The following SLC12A4 variants were observed in gnomAD, a reference collection of about 807,000 sequenced individuals.
SLC12A4 encodes the protein electroneutral potassium-chloride cotransporter 1.
A neutral mutation model predicts 119.2 loss-of-function variants in SLC12A4; 84 were observed. The ratio of observed to expected loss-of-function variants is 0.70; its 90% CI spans 0.59 to 0.85. The LOEUF (loss-of-function observed/expected upper bound fraction) is 0.85. Ranked by LOEUF, SLC12A4 falls within the 40% of genes least tolerant of loss-of-function variation. SLC12A4 has a pLI of 0.00. For synonymous variants in SLC12A4, 599 were observed against 604.6 expected, an observed-to-expected ratio of 0.99 and a Z score of 0.14; for missense variants, 1,298 against 1,476.3, an observed-to-expected ratio of 0.88 and a Z score of 1.98.
At chr16:67,952,491 G>A (rs1791404240) in intron 6 of SLC12A4, 66 bp from the exon 7 acceptor site, 1 of 1,592,556 alleles carries the variant, frequency 6.3e-7, no homozygotes, top group Non-Finnish European at 8.6e-7. Context: ...TGTCGTTTTG[G>A]TTTTCTTTTT....
At chr16:67,946,133 G>T (rs764123720) in intron 19 of SLC12A4, 38 bp downstream of exon 19, 13 of 1,613,306 alleles carry the variant, frequency 8.1e-6, no homozygotes, top group Non-Finnish European at 1.1e-5. Flanking sequence ...TCCTCCAAGG[G>T]CCTAGCCCCT....
intron 15 of SLC12A4, 48 bp downstream of exon 15, chr16:67,947,621 G>A (rs544594125): frequency 5.1e-6 from 8 of 1,570,040 alleles, no homozygotes; most frequent in South Asian, 4.6e-5. Flanking sequence ...CTGCCTGCTC[G>A]GCCGGGCCCC....
At chr16:67,954,104 C>T (rs987289415) in intron 6 of SLC12A4, 2 of 393,182 alleles carry the variant, frequency 5.1e-6, no homozygotes, top group African/African-American at 2.1e-5. Context: ...AGCTCCTTGC[C>T]TCTTCTCCCA....
Position 67,950,089 on chromosome 16 carries a change from C to T in SLC12A4, c.1630-171G>A. ...TCCCTGATTCCACCTCACCAGGCCT[C>T]TCTCCTTTGGATGAGCCCTAAACAG... On this transcript the variant is annotated intron_variant, in intron 12 of 23. Coordinates refer to ENST00000316341, the MANE Select transcript of SLC12A4 (RefSeq NM_005072.5). The surrounding 1 kb of genome is among the most constrained non-coding windows in gnomAD (Gnocchi z 4.3). The T allele has an allele frequency of 1.4e-6, 1 of 691,196 alleles. No individual in the cohort carries two copies. Among genetic ancestry groups the T allele is most frequent in the Non-Finnish European group, 2.4e-6 (1 of 409,096 alleles). 42.8% of individuals were successfully genotyped at this position (691,196 alleles called of 1,614,324 possible). A position where few individuals can be genotyped will look rare whatever the true frequency, so the allele number is the denominator to read the frequency against.
intron 3 of SLC12A4, among the ~76,000 whole-genome samples, chr16:67,960,414 T>C (rs2030497502): frequency 6.6e-6 from 1 of 151,980 alleles, no homozygotes; most frequent in Admixed American, 6.6e-5. Flanking sequence ...GACCTCAAGG[T>C]ATCAGCTGCC....
chr16:67,968,588 A>AGCCGCCCGCCGCTGTCCCC lies in SLC12A4; in HGVS notation c.-54_-36dup, dbSNP rs991177948. ...TCGGCCCCGCCGCACCCGCCGTCCC[A>AGCCGCCCGCCGCTGTCCCC]GCCGCCCGCCGCTGTCCCCGCCGCT... is the stretch of plus-strand genomic sequence containing the variant. On this transcript the variant is annotated 5_prime_UTR_variant, in exon 1 of 24. Transcript: ENST00000316341. 2 of 1,458,486 alleles carry AGCCGCCCGCCGCTGTCCCC rather than the reference A, an allele frequency of 1.4e-6. No individual in the cohort carries two copies. The highest frequency in any genetic ancestry group is 1.5e-5 in the African/African-American group (1 of 67,894). 90.3% of individuals were successfully genotyped at this position (1,458,486 alleles called of 1,614,324 possible).
Position 67,958,002 on chromosome 16 carries a change from G to A in SLC12A4, c.385C>T (p.Leu129=). The A allele has an allele frequency of 3.1e-6, 5 of 1,614,216 alleles. No homozygotes were observed. Among genetic ancestry groups the A allele is most frequent in the Non-Finnish European group, 3.4e-6 (4 of 1,180,022 alleles). The change falls in exon 4 of 24, where the codon CTG becomes TTG. Residue 129 remains leucine, a synonymous_variant. Transcript: ENST00000316341. ...AGGATAACCCCAAAGATATTCTGCAGGCAGGGCAGGTACACCCCCATGAGG... is the reference window on the plus strand; with the variant it reads ...AGGATAACCCCAAAGATATTCTGCAAGCAGGGCAGGTACACCCCCATGAGG... ...GTLMGVYLPC[L]QNIFGVILFL...
At chr16:67,947,634 C>T (rs769926369) in intron 15 of SLC12A4, 35 bp downstream of exon 15, 4 of 1,583,300 alleles carry the variant, frequency 2.5e-6, no homozygotes, top group East Asian at 4.6e-5. Flanking sequence ...CGGGCCCCCT[C>T]AGCTGGCAGA....
chr16:67,951,135 CTCACCTGT>C lies in SLC12A4; in HGVS notation c.1294_1297+4del, dbSNP rs762769865. 16 of 1,613,744 alleles carry C rather than the reference CTCACCTGT, an allele frequency of 9.9e-6. No individual in the cohort carries two copies. Among genetic ancestry groups the C allele is most frequent in the Non-Finnish European group, 1.4e-5 (16 of 1,179,858 alleles). ...GGGCTGGGTGGGTAGGCAGGCAGGG[CTCACCTGT>C]TACAGAAGGGAAGAAGATGCCGACC... On this transcript the variant is annotated splice_donor_variant and splice_donor_region_variant and coding_sequence_variant and intron_variant, in exon 9 of 24. Coordinates refer to ENST00000316341, the MANE Select transcript of SLC12A4 (RefSeq NM_005072.5). LOFTEE classifies it high-confidence loss of function. The surrounding 1 kb of genome is among the most constrained non-coding windows in gnomAD (Gnocchi z 5.2).
chr16:67,947,856 C>A (rs1465400431), intron 14 of SLC12A4, 68 bp from the exon 15 acceptor site: 3 of 1,527,294 alleles, frequency 2.0e-6, no homozygotes, highest in East Asian at 2.4e-5. Flanking sequence ...CTGGCCCATG[C>A]CCTGGTAGCC....
rs189482245 is a variant in SLC12A4, at chr16:67,951,674, C to T, written c.1132+149G>A. ...CTCCACTCACTCCAAACTCGGCTGC[C>T]AGGAGCCAGGCTGGGAGGACACTGG... is the stretch of plus-strand genomic sequence containing the variant. On this transcript the variant is annotated intron_variant, in intron 8 of 23. Coordinates refer to ENST00000316341, the MANE Select transcript of SLC12A4 (RefSeq NM_005072.5). The surrounding 1 kb of genome is among the most constrained non-coding windows in gnomAD (Gnocchi z 5.2). 7.2e-5 allele frequency: 53 copies of T among 739,906 alleles called. No individual in the cohort carries two copies. The Middle Eastern group carries it at 1.5e-3, about 21-fold the overall frequency. The allele number at this position is 739,906 out of a possible 1,614,324, so 45.8% of individuals were successfully genotyped here. A position where few individuals can be genotyped will look rare whatever the true frequency, so the allele number is the denominator to read the frequency against.
At position 67,944,588 on chromosome 16, in the gene SLC12A4, T is replaced by C. The variant is rs141453215; in HGVS notation, c.*252A>G. 5.4e-4 allele frequency: 720 copies of C among 1,338,076 alleles called. 5 individuals carry two copies. The African/African-American group carries it at 9.8e-3, about 18-fold the overall frequency. 82.9% of individuals were successfully genotyped at this position (1,338,076 alleles called of 1,614,324 possible). On this transcript the variant is annotated 3_prime_UTR_variant, in exon 24 of 24. Coordinates refer to ENST00000316341, the MANE Select transcript of SLC12A4 (RefSeq NM_005072.5). The surrounding 1 kb of genome is among the most constrained non-coding windows in gnomAD (Gnocchi z 6.6). ...CCACTCGGCCCCTACCAGTCTTCTCTGGCCAGGACAGGCCTACTGGGGTGC... is the reference window on the plus strand; with the variant it reads ...CCACTCGGCCCCTACCAGTCTTCTCCGGCCAGGACAGGCCTACTGGGGTGC...
At chr16:67,954,928 C>T (rs1037052757) in intron 5 of SLC12A4, among the ~76,000 whole-genome samples, 155 bp from the exon 6 acceptor site, 1 of 152,158 alleles carries the variant, frequency 6.6e-6, no homozygotes, top group African/African-American at 2.4e-5. Context: ...CAGGGCTGCA[C>T]GGTGGGTAAG....
At chr16:67,947,845 C>T in intron 14 of SLC12A4, 57 bp from the exon 15 acceptor site, 2 of 1,540,404 alleles carry the variant, frequency 1.3e-6, no homozygotes, top group Non-Finnish European at 8.8e-7. Context: ...CTGGCCACAG[C>T]CTGGCCCATG....
chr16:67,957,401 C>T lies in SLC12A4; in HGVS notation c.544+341G>A. ...GGCCAGGATGGTCTCGATCTCCTGC[C>T]CTTGTGATCCACCCACCTCGGCCTC... On this transcript the variant is annotated intron_variant, in intron 5 of 23. Coordinates refer to ENST00000316341, the MANE Select transcript of SLC12A4 (RefSeq NM_005072.5). The T allele has an allele frequency of 1.2e-5, 3 of 249,664 alleles. No individual in the cohort carries two copies. In the South Asian group the frequency reaches 1.4e-4, roughly 11 times the overall value. The allele number at this position is 249,664 out of a possible 1,614,324, so 15.5% of individuals were successfully genotyped here.
At chr16:67,968,280 G>A (rs912436469) in intron 1 of SLC12A4, among the ~76,000 whole-genome samples, 159 bp downstream of exon 1, 2 of 152,048 alleles carry the variant, frequency 1.3e-5, no homozygotes, top group East Asian at 3.9e-4. Context: ...GCGCGCGCAG[G>A]GCGGGGAGCC....
At chr16:67,945,700 C>T (rs1007732934) in intron 21 of SLC12A4, 64 bp downstream of exon 21, 51 of 1,525,434 alleles carry the variant, frequency 3.3e-5, no homozygotes, top group East Asian at 6.8e-5. Context: ...CCGCACCCAC[C>T]GATGCGGTCT....
At position 67,950,794 on chromosome 16, in the gene SLC12A4, A is replaced by G; in HGVS notation, c.1397-83T>C. The stretch of plus-strand genomic sequence containing the variant: ...CACGTGCCCCCACCCCAGCCAGACT[A>G]CCAGGACACCTACAGCTGGGAGTCT... On this transcript the variant is annotated intron_variant, in intron 10 of 23. Coordinates refer to ENST00000316341, the MANE Select transcript of SLC12A4 (RefSeq NM_005072.5). The surrounding 1 kb of genome is among the most constrained non-coding windows in gnomAD (Gnocchi z 4.3). 1.3e-6 allele frequency: 2 copies of G among 1,520,600 alleles called. No individual in the cohort carries two copies. Among genetic ancestry groups the G allele is most frequent in the Non-Finnish European group, 1.8e-6 (2 of 1,114,814 alleles). 94.2% of individuals were successfully genotyped at this position (1,520,600 alleles called of 1,614,324 possible).
chr16:67,957,568 C>T, intron 5 of SLC12A4, 174 bp downstream of exon 5: 2 of 672,094 alleles, frequency 3.0e-6, no homozygotes, highest in South Asian at 1.9e-5. Context: ...CAATGGCACT[C>T]TCCAACTCTG....
Sources: gnomAD v4.1 joint callset for allele counts (sites outside exome capture counted in the v4.1 genomes callset) on GRCh38, gnomAD v4.1.1 for gene constraint, Gnocchi (gnomAD v3.1) non-coding constraint, MANE v1.5 for transcripts, NCBI Gene and HGNC (gene_info 2026-07-23, HGNC 2026-07-21) for gene names.